The following AASS variants were observed in gnomAD, a reference collection of about 807,000 sequenced individuals.
AASS encodes the protein aminoadipate-semialdehyde synthase, also known as alpha-aminoadipic semialdehyde synthase, mitochondrial.
In AASS, 86 loss-of-function variants were observed where a neutral mutation model predicts 105.4. The ratio of observed to expected loss-of-function variants is 0.82; its 90% CI spans 0.69 to 0.98. The LOEUF (loss-of-function observed/expected upper bound fraction) is 0.98. Ranked by LOEUF, AASS falls within the 50% of genes least tolerant of loss-of-function variation. AASS has a pLI of 0.00. For missense variants in AASS, 1,048 were observed against 1,143.2 expected, an observed-to-expected ratio of 0.92 and a Z score of 1.20; for synonymous variants, 381 against 394.8, an observed-to-expected ratio of 0.96 and a Z score of 0.41.
Position 122,115,163 on chromosome 7 carries a change from G to C in AASS, c.954C>G (p.Arg318=), listed in dbSNP as rs781534952. ...NGIYWEQNTP[R]LLTRQDAQSL... is the part of the protein sequence containing the mutation. The stretch of plus-strand genomic sequence containing the variant: ...TCTGAGCATCTTGGCGGGTTAGGAG[G>C]CGAGGAGTGTTTTGTTCCCAGTAGA... The change falls in exon 9 of 24, where the codon CGC becomes CGG. Residue 318 remains arginine, a synonymous_variant. Transcript: ENST00000417368. 1.2e-6 allele frequency: 2 copies of C among 1,614,138 alleles called. No individual in the cohort carries two copies. Among genetic ancestry groups the C allele is most frequent in the Non-Finnish European group, 8.5e-7 (1 of 1,180,014 alleles).
At chr7:122,127,649 C>T (rs1045133806) in intron 3 of AASS, among the ~76,000 whole-genome samples, 3 of 152,110 alleles carry the variant, frequency 2.0e-5, no homozygotes, top group African/African-American at 4.8e-5. Flanking sequence ...TATTTGGAAT[C>T]AATTGGAAGT....
At chr7:122,090,237 G>A (rs533476768) in intron 18 of AASS, among the ~76,000 whole-genome samples, 1 of 152,254 alleles carries the variant, frequency 6.6e-6, no homozygotes, top group South Asian at 2.1e-4. Context: ...CCGGCATCAA[G>A]CTAAAGTGTC....
chr7:122,126,325 T>C (rs745977283), intron 4 of AASS, 50 bp downstream of exon 4: 2 of 1,525,802 alleles, frequency 1.3e-6, no homozygotes, highest in Admixed American at 3.3e-5. Flanking sequence ...CTCACAGTTA[T>C]TCCCCAAGCC....
intron 9 of AASS, 60 bp from the exon 10 acceptor site, chr7:122,113,780 A>G (rs549522474): frequency 2.2e-4 from 318 of 1,453,154 alleles, no homozygotes; most frequent in Non-Finnish European, 2.5e-4. Context: ...CAACAAGACT[A>G]AAAAAAAAGG....
chr7:122,077,386 A>T (rs1020057450), intron 23 of AASS, among the ~76,000 whole-genome samples: 2 of 152,160 alleles, frequency 1.3e-5, no homozygotes, highest in Non-Finnish European at 2.9e-5. Context: ...GAGAATCTGG[A>T]GTGAATATCT....
chr7:122,122,908 T>G (rs1344864056), intron 4 of AASS, among the ~76,000 whole-genome samples: 1 of 152,190 alleles, frequency 6.6e-6, no homozygotes, highest in East Asian at 1.9e-4. Context: ...TGTGTGCTAA[T>G]TGCATCTCTC....
At chr7:122,100,104 T>C (rs906193018) in intron 13 of AASS, among the ~76,000 whole-genome samples, 47 of 151,882 alleles carry the variant, frequency 3.1e-4, no homozygotes, top group African/African-American at 1.1e-3. Flanking sequence ...CAGGGTTCAA[T>C]ATAAAGTAAA....
intron 15 of AASS, 42 bp downstream of exon 15, chr7:122,098,408 T>G (rs766880927): frequency 6.2e-7 from 1 of 1,608,174 alleles, no homozygotes; most frequent in South Asian, 1.1e-5. Flanking sequence ...AGAAAAGAAA[T>G]AACAACAAAA....
chr7:122,106,543 C>A (rs1283295803), intron 11 of AASS, among the ~76,000 whole-genome samples: 5 of 151,684 alleles, frequency 3.3e-5, no homozygotes, highest in Non-Finnish European at 5.9e-5. Context: ...GCATAAGACT[C>A]GTACAAAACC....
In AASS at chr7:122,115,229, T is replaced by C; in HGVS notation, c.895-7A>G. ...AAGTTGTATAGGGTGCAATCTGTAA[T>C]GCAAGTTCCAGGTTCAAGAAAATAG... is the stretch of plus-strand genomic sequence containing the variant. On this transcript the variant is annotated splice_polypyrimidine_tract_variant and splice_region_variant and intron_variant, in intron 8 of 23. Coordinates refer to ENST00000417368, the MANE Select transcript of AASS (RefSeq NM_005763.4). The C allele has an allele frequency of 1.2e-6, 2 of 1,614,066 alleles. No individual in the cohort carries two copies. The highest frequency in any genetic ancestry group is 1.7e-6 in the Non-Finnish European group (2 of 1,179,982).
intron 20 of AASS, among the ~76,000 whole-genome samples, chr7:122,080,320 TA>T (rs35006538): frequency 6.6e-6 from 1 of 152,312 alleles, no homozygotes; most frequent in East Asian, 1.9e-4. Context: ...TTTTATTAAA[TA>T]AAAGTTTTAT....
intron 1 of AASS, among the ~76,000 whole-genome samples, chr7:122,140,485 C>CAA (rs57828681): frequency 0.088 from 3,247 of 36,992 alleles, 345 homozygotes; most frequent in East Asian, 0.2. Context: ...GACTCAGTCT[C>CAA]AAAAAAAAAA....
intron 11 of AASS, among the ~76,000 whole-genome samples, chr7:122,112,358 A>G (rs1283607627): frequency 1.3e-5 from 2 of 152,184 alleles, no homozygotes; most frequent in Non-Finnish European, 2.9e-5. Context: ...GACATATTCC[A>G]ATAGGAAAAA....
In AASS at chr7:122,115,101, A is replaced by G. The variant is rs200905106; in HGVS notation, c.1016T>C (p.Val339Ala). The change falls in exon 9 of 24, where the codon GTG (valine) becomes GCG (alanine). Residue 339 changes from valine to alanine, a missense_variant. Coordinates refer to ENST00000417368, the MANE Select transcript of AASS (RefSeq NM_005763.4). ...LAPGKFSPAG[V>A]EGCPALPHKL... The stretch of plus-strand genomic sequence containing the variant: ...GTGTGGTAATGCAGGGCAGCCTTCC[A>G]CACCAGCAGGTGAGAACTTGCCCGG... 3.1e-6 allele frequency: 5 copies of G among 1,614,064 alleles called. No homozygotes were observed. The highest frequency in any genetic ancestry group is 8.5e-7 in the Non-Finnish European group (1 of 1,180,034).
intron 11 of AASS, among the ~76,000 whole-genome samples, chr7:122,110,041 C>T (rs1794859062): frequency 6.6e-6 from 1 of 151,878 alleles, no homozygotes; most frequent in South Asian, 2.1e-4. Flanking sequence ...TAAAGAGAAA[C>T]ACAGGAAAAC....
chr7:122,091,616 T>C (rs1793901426), intron 18 of AASS, 87 bp downstream of exon 18: 1 of 1,596,504 alleles, frequency 6.3e-7, no homozygotes, highest in Non-Finnish European at 8.6e-7. Flanking sequence ...ATCACCATTA[T>C]TAAAGGGTTT....
chr7:122,112,634 T>C (rs1584866330), intron 11 of AASS, among the ~76,000 whole-genome samples: 1 of 152,172 alleles, frequency 6.6e-6, no homozygotes, highest in Admixed American at 6.5e-5. Context: ...AAATGGAATT[T>C]AGATAACATG....
At chr7:122,144,095 C>T (rs1301986949) in intron 1 of AASS, 66 bp downstream of exon 1, 2 of 152,250 alleles carry the variant, frequency 1.3e-5, no homozygotes, top group Non-Finnish European at 2.9e-5. Flanking sequence ...ATCTCCACCG[C>T]ATCTCACAGG....
At chr7:122,122,332 T>C (rs1019903132) in intron 4 of AASS, among the ~76,000 whole-genome samples, 2 of 152,156 alleles carry the variant, frequency 1.3e-5, no homozygotes, top group East Asian at 1.9e-4. Flanking sequence ...AAAAACAGAA[T>C]TTAAGTGACA....
Sources: allele counts gnomAD v4.1 joint callset (sites outside exome capture counted in the v4.1 genomes callset), GRCh38; gene constraint gnomAD v4.1.1; transcripts MANE v1.5; gene names NCBI Gene and HGNC (gene_info 2026-07-23, HGNC 2026-07-21).